Variants in NEK7 observed in about 807,000 individuals in gnomAD.
The protein encoded by NEK7 is NIMA related kinase 7.
A neutral mutation model predicts 44.6 loss-of-function variants in NEK7; 18 were observed. The ratio of observed to expected loss-of-function variants is 0.40; its 90% CI spans 0.28 to 0.60. The LOEUF (loss-of-function observed/expected upper bound fraction) is 0.60. Ranked by LOEUF, NEK7 falls within the 20% of genes least tolerant of loss-of-function variation. NEK7 has a pLI of 0.38. For missense variants in NEK7, 256 were observed against 366.5 expected (o/e 0.70, Z 2.46); for synonymous variants, 130 against 121.1 (o/e 1.07, Z -0.48).
At chr1:198,295,786 T>A (rs1162598218) in intron 8 of NEK7, among the ~76,000 whole-genome samples, 1 of 146,290 alleles carries the variant, frequency 6.8e-6, no homozygotes, top group Non-Finnish European at 1.5e-5. Flanking sequence ...AAAGTGTCCT[T>A]GCATTTAAAA....
intron 7 of NEK7, among the ~76,000 whole-genome samples, chr1:198,281,397 A>G (rs780184298): frequency 1.1e-4 from 16 of 152,038 alleles, no homozygotes; most frequent in Non-Finnish European, 2.2e-4. Flanking sequence ...TTGTATGTTG[A>G]TTCATTTTTT....
At chr1:198,187,141 T>A (rs1290000247) in intron 1 of NEK7, among the ~76,000 whole-genome samples, 3 of 152,194 alleles carry the variant, frequency 2.0e-5, no homozygotes, top group African/African-American at 7.2e-5. Flanking sequence ...GAAAAGTACT[T>A]GCACTGCTAT....
chr1:198,200,899 C>T (rs183140017), intron 1 of NEK7, among the ~76,000 whole-genome samples: 1 of 152,222 alleles, frequency 6.6e-6, no homozygotes, highest in Admixed American at 6.5e-5. Flanking sequence ...ACTGAGTCTG[C>T]CAGAAATCTT....
intron 2 of NEK7, among the ~76,000 whole-genome samples, chr1:198,248,866 T>A (rs1190506922): frequency 6.6e-6 from 1 of 151,214 alleles, no homozygotes; most frequent in Non-Finnish European, 1.5e-5. Flanking sequence ...GGTTCTGCAA[T>A]TGCTTTTATT....
chr1:198,302,639 T>C (rs753785462), intron 9 of NEK7, among the ~76,000 whole-genome samples: 13 of 152,194 alleles, frequency 8.5e-5, no homozygotes, highest in Non-Finnish European at 1.3e-4. Context: ...CTAAACTGAT[T>C]TCAGATATTT....
chr1:198,308,765 C>G (rs6695652), intron 9 of NEK7, among the ~76,000 whole-genome samples: 37,817 of 152,084 alleles, frequency 0.25, 6,070 homozygotes, highest in African/African-American at 0.41. Context: ...TGCATAAGTA[C>G]TTGCCATTGC....
intron 1 of NEK7, among the ~76,000 whole-genome samples, chr1:198,209,037 GTATATATATA>G (rs57962708): frequency 4.1e-5 from 6 of 145,422 alleles, no homozygotes; most frequent in South Asian, 2.1e-4. Context: ...ATGTGTGTGT[GTATATATATA>G]TATATATATA....
Position 198,308,551 on chromosome 1 carries a change from G to C in NEK7, c.799-10861G>C, listed in dbSNP as rs556401876. On this transcript the variant is annotated intron_variant, in intron 9 of 9. Transcript: ENST00000367385. ...CTATTTCTTGCCTGAAATCTTAAAG[G>C]AACTTAATTGAGCATTCTGCTGGCA... Among the ~76,000 whole-genome samples the C allele has an allele frequency of 5.1e-4, 77 of 152,282 alleles. 2 individuals are homozygous for C. The highest frequency in any genetic ancestry group is 4.7e-3 in the Admixed American group (72 of 15,296).
chr1:198,203,383 C>T (rs1439120173), intron 1 of NEK7, among the ~76,000 whole-genome samples: 1 of 152,200 alleles, frequency 6.6e-6, no homozygotes, highest in African/African-American at 2.4e-5. Flanking sequence ...GAATTTCTTA[C>T]TTACATGGAC....
chr1:198,211,154 A>T (rs1383670158), intron 1 of NEK7, among the ~76,000 whole-genome samples: 1 of 152,110 alleles, frequency 6.6e-6, no homozygotes, highest in African/African-American at 2.4e-5. Context: ...TGGGGTTAAC[A>T]TTAAAGTAGG....
chr1:198,173,101 G>A (rs1366439323), intron 1 of NEK7, among the ~76,000 whole-genome samples: 2 of 152,132 alleles, frequency 1.3e-5, no homozygotes, highest in African/African-American at 4.8e-5. Context: ...TCTAAAGAAG[G>A]TGTGTTGGGG....
chr1:198,297,096 C>T, intron 8 of NEK7, 31 bp from the exon 9 acceptor site: 1 of 1,360,510 alleles, frequency 7.4e-7, no homozygotes, highest in South Asian at 1.2e-5. Flanking sequence ...TACCATCTAA[C>T]TATATCAGTT....
At chr1:198,265,651 A>G (rs1332373456) in intron 5 of NEK7, among the ~76,000 whole-genome samples, 1 of 152,090 alleles carries the variant, frequency 6.6e-6, no homozygotes, top group Non-Finnish European at 1.5e-5. Context: ...ATCAATTGTT[A>G]TAGAAGTTAC....
intron 1 of NEK7, among the ~76,000 whole-genome samples, chr1:198,184,254 T>C (rs1402266068): frequency 1.3e-5 from 2 of 152,184 alleles, no homozygotes; most frequent in Non-Finnish European, 2.9e-5. Context: ...AATAAATGTA[T>C]GGAATGTTTC....
In NEK7 at chr1:198,203,167, T is replaced by C. The variant is rs533348969; in HGVS notation, c.-28-29386T>C. ...TTATATAAAACTGAAGGGGGTGAAA[T>C]AGATGATATGTCACAAGCCTTTAGA... On this transcript the variant is annotated intron_variant, in intron 1 of 9. Transcript: ENST00000367385. Among the ~76,000 whole-genome samples the C allele has an allele frequency of 2.8e-4, 43 of 152,248 alleles. No homozygotes were observed. The South Asian group carries it at 3.7e-3, about 13-fold the overall frequency.
Position 198,193,554 on chromosome 1 carries a change from T to C in NEK7, c.-29+36278T>C, listed in dbSNP as rs989417898. Among the ~76,000 whole-genome samples, 3 of 151,974 alleles carry C rather than the reference T, an allele frequency of 2.0e-5. No individual in the cohort carries two copies. The East Asian group carries it at 5.8e-4, about 29-fold the overall frequency. On this transcript the variant is annotated intron_variant, in intron 1 of 9. Transcript: ENST00000367385. ...TGCCCGATGAACATCAATGCAAAAA[T>C]CCTCAGTGAAATACTGGCAAACCGA...
chr1:198,171,402 C>A (rs567929182), intron 1 of NEK7, among the ~76,000 whole-genome samples: 1 of 151,932 alleles, frequency 6.6e-6, no homozygotes, highest in Non-Finnish European at 1.5e-5. Flanking sequence ...CTTTATGGGC[C>A]GGGTGCAGTG....
intron 1 of NEK7, among the ~76,000 whole-genome samples, chr1:198,186,472 G>C (rs1938374): frequency 6.6e-6 from 1 of 152,198 alleles, no homozygotes; most frequent in Admixed American, 6.5e-5. Flanking sequence ...GCTGAGACCT[G>C]CTTTGCAGTT....
chr1:198,288,225 T>G (rs1654439193), intron 7 of NEK7, among the ~76,000 whole-genome samples: 2 of 152,362 alleles, frequency 1.3e-5, no homozygotes, highest in South Asian at 4.1e-4. Context: ...CTGCTTTCAC[T>G]GATTTATTTT....
Sources: gnomAD v4.1 joint callset for allele counts (sites outside exome capture counted in the v4.1 genomes callset) on GRCh38, gnomAD v4.1.1 for gene constraint, MANE v1.5 for transcripts, NCBI Gene and HGNC (gene_info 2026-07-23, HGNC 2026-07-21) for gene names.